GFM1: variants seen among roughly 807,000 people sequenced by gnomAD.
GFM1 encodes the protein elongation factor G, mitochondrial.
A neutral mutation model predicts 96.2 loss-of-function variants in GFM1; 62 were observed. That is an observed-to-expected ratio of 0.64 (90% CI 0.53 to 0.80). The LOEUF is 0.80. GFM1 is among the 30% of genes least tolerant of loss of function. The pLI is 0.00. For missense variants in GFM1, 852 were observed against 916.6 expected (o/e 0.93, Z 0.91); for synonymous variants, 282 against 312.9 (o/e 0.90, Z 1.04).
intron 15 of GFM1, among the ~76,000 whole-genome samples, chr3:158,686,721 GTTTTTTTT>G (rs67517331): frequency 2.3e-5 from 2 of 85,730 alleles, no homozygotes; most frequent in African/African-American, 4.8e-5. Flanking sequence ...TTGAATTGAG[GTTTTTTTT>G]TTTTTTTTTT....
At chr3:158,665,242 T>G in intron 11 of GFM1, 95 bp from the exon 12 acceptor site, 1 of 877,606 alleles carries the variant, frequency 1.1e-6, no homozygotes, top group Non-Finnish European at 1.9e-6. Flanking sequence ...TCTTAACTGC[T>G]GATGTATTTT....
intron 13 of GFM1, among the ~76,000 whole-genome samples, chr3:158,668,291 T>C (rs1723911567): frequency 6.6e-6 from 1 of 152,212 alleles, no homozygotes; most frequent in South Asian, 2.1e-4. Flanking sequence ...AAATACAATC[T>C]AAATGTTATA....
In GFM1 at chr3:158,691,800, T is replaced by G. The variant is rs1263962794; in HGVS notation, c.*333T>G. The G allele has an allele frequency of 1.6e-4, 35 of 213,278 alleles. No homozygotes were observed. The highest frequency in any genetic ancestry group is 6.7e-5 in the Non-Finnish European group (7 of 104,932). 13.2% of individuals were successfully genotyped at this position (213,278 alleles called of 1,614,324 possible). A position where few individuals can be genotyped will look rare whatever the true frequency, so the allele number is the denominator to read the frequency against. ...CTTTTAAGCTTAGAATGTATGTTCA[T>G]TTCCAAATTTTGTATCATAAGAGTT... On this transcript the variant is annotated 3_prime_UTR_variant, in exon 18 of 18. Coordinates refer to ENST00000486715, the MANE Select transcript of GFM1 (RefSeq NM_024996.7).
At chr3:158,682,235 C>T in intron 14 of GFM1, 78 bp downstream of exon 14, 6 of 1,207,170 alleles carry the variant, frequency 5.0e-6, no homozygotes, top group Non-Finnish European at 6.0e-6. Context: ...ACTTTGTCTT[C>T]CATCATGTTG....
chr3:158,695,494 G>T lies in GFM1; in HGVS notation c.*4027G>T, dbSNP rs538103420. The T allele has an allele frequency of 7.9e-5, 12 of 152,274 alleles. No homozygotes were observed. In the East Asian group the frequency reaches 2.1e-3, roughly 27 times the overall value. The allele number at this position is 152,274 out of a possible 1,614,324, so 9.4% of individuals were successfully genotyped here. ...GTAAATTAATAAATTAGGTAATTGT[G>T]TTTGTATATTATTTGTATGTATAGA... On this transcript the variant is annotated 3_prime_UTR_variant, in exon 18 of 18. Transcript: ENST00000486715.
At chr3:158,669,140 G>C in intron 13 of GFM1, 1 of 1,610,580 alleles carries the variant, frequency 6.2e-7, no homozygotes, top group South Asian at 1.1e-5. Context: ...TGTCTGGTAG[G>C]AGACACATTT....
intron 13 of GFM1, among the ~76,000 whole-genome samples, chr3:158,680,437 T>G (rs1193808953): frequency 1.3e-5 from 2 of 152,226 alleles, no homozygotes; most frequent in Non-Finnish European, 2.9e-5. Flanking sequence ...TCTTAGTTCT[T>G]CTACCTGTTC....
intron 13 of GFM1, among the ~76,000 whole-genome samples, chr3:158,679,531 T>G (rs1725189572): frequency 6.6e-6 from 1 of 152,236 alleles, no homozygotes; most frequent in Admixed American, 6.5e-5. Flanking sequence ...TTCTCATCTT[T>G]TCTAGTTATA....
chr3:158,671,722 A>C (rs1724334490), intron 13 of GFM1, among the ~76,000 whole-genome samples: 1 of 152,222 alleles, frequency 6.6e-6, no homozygotes. Context: ...AAATGAAAAC[A>C]AACCTCGTTA....
Position 158,694,768 on chromosome 3 carries a change from G to A in GFM1, c.*3301G>A, listed in dbSNP as rs1389198618. ...TTCCAACTGACTTTCAAAAGAACTT[G>A]TTCAACTTCTAAAAATTCGTAATTC... On this transcript the variant is annotated 3_prime_UTR_variant, in exon 18 of 18. Coordinates refer to ENST00000486715, the MANE Select transcript of GFM1 (RefSeq NM_024996.7). Among the ~76,000 whole-genome samples, 1 of 151,998 alleles carries A rather than the reference G, an allele frequency of 6.6e-6. No individual in the cohort carries two copies. The highest frequency in any genetic ancestry group is 1.5e-5 in the Non-Finnish European group (1 of 68,008).
chr3:158,653,379 A>G lies in GFM1; in HGVS notation c.910A>G (p.Lys304Glu), dbSNP rs760266828. The change falls in exon 7 of 18, where the codon AAA (lysine) becomes GAA (glutamate). Residue 304 changes from lysine (K) to glutamate (E), a missense_variant. Physicochemically the swap from Lys to Glu is moderately conservative, Grantham distance 56. Coordinates refer to ENST00000486715, the MANE Select transcript of GFM1 (RefSeq NM_024996.7). ...PVFLGSALKN[K>E]GVQPLLDAVL... ...ATTTTTGGGAAGCGCCTTGAAGAAC[A>G]AAGGAGTTCAGCCTCTTTTAGATGC... 31 of 1,613,194 alleles carry G rather than the reference A, an allele frequency of 1.9e-5. No individual in the cohort carries two copies. The highest frequency in any genetic ancestry group is 2.5e-5 in the Non-Finnish European group (30 of 1,179,278).
At position 158,658,960 on chromosome 3, in the gene GFM1, T is replaced by C. The variant is rs766573127; in HGVS notation, c.1122T>C (p.Tyr374=). The C allele has an allele frequency of 1.9e-6, 3 of 1,614,044 alleles. No individual in the cohort carries two copies. The highest frequency in any genetic ancestry group is 1.1e-5 in the South Asian group (1 of 91,088). The change falls in exon 9 of 18, where the codon TAT becomes TAC. Residue 374 remains tyrosine (Y), a synonymous_variant. Coordinates refer to ENST00000486715, the MANE Select transcript of GFM1 (RefSeq NM_024996.7). The stretch of plus-strand genomic sequence containing the variant: ...GACAATTAACTTATGTTCGCAGTTA[T>C]CAGGGAGAGCTAAAGAAGGGTGACA... The part of the protein sequence containing the change: ...RFGQLTYVRS[Y]QGELKKGDTI...
chr3:158,670,256 T>G (rs557085710), intron 13 of GFM1, among the ~76,000 whole-genome samples: 1 of 152,318 alleles, frequency 6.6e-6, no homozygotes, highest in Non-Finnish European at 1.5e-5. Context: ...CCCTTCCCCA[T>G]TACTGAAAGA....
At chr3:158,669,254 G>T in intron 13 of GFM1, 1 of 1,231,260 alleles carries the variant, frequency 8.1e-7, no homozygotes, top group Non-Finnish European at 1.1e-6. Context: ...ATTTAATTAA[G>T]CTATGGATCT....
chr3:158,654,536 T>C lies in GFM1; in HGVS notation c.999-11T>C. The C allele has an allele frequency of 6.8e-7, 1 of 1,478,848 alleles. No homozygotes were observed. The highest frequency in any genetic ancestry group is 9.5e-7 in the Non-Finnish European group (1 of 1,057,328). The allele number at this position is 1,478,848 out of a possible 1,614,324, so 91.6% of individuals were successfully genotyped here. A position where few individuals can be genotyped will look rare whatever the true frequency, so the allele number is the denominator to read the frequency against. On this transcript the variant is annotated splice_polypyrimidine_tract_variant and intron_variant, in intron 7 of 17. Coordinates refer to ENST00000486715, the MANE Select transcript of GFM1 (RefSeq NM_024996.7). The stretch of plus-strand genomic sequence containing the variant: ...TTACATCTCATAGATTTATATTTCT[T>C]TTATTTTAAGTGACTCAAAAGAGAA...
intron 13 of GFM1, among the ~76,000 whole-genome samples, chr3:158,668,399 T>C (rs1723926925): frequency 6.6e-6 from 1 of 152,212 alleles, no homozygotes; most frequent in Admixed American, 6.5e-5. Flanking sequence ...CCAAATATTT[T>C]TGATTCTCGG....
intron 13 of GFM1, chr3:158,669,073 AG>A (rs749557537): frequency 6.2e-7 from 1 of 1,613,692 alleles, no homozygotes; most frequent in African/African-American, 1.3e-5. Context: ...ATATAACCAC[AG>A]GCAACCCAGG....
intron 13 of GFM1, among the ~76,000 whole-genome samples, chr3:158,678,583 A>C (rs1032988922): frequency 6.6e-6 from 1 of 152,244 alleles, no homozygotes; most frequent in East Asian, 1.9e-4. Flanking sequence ...CTGAAGTCCT[A>C]CAATTTCATG....
At chr3:158,649,314 GC>G in intron 5 of GFM1, 157 bp downstream of exon 5, 1 of 528,608 alleles carries the variant, frequency 1.9e-6, no homozygotes, top group Non-Finnish European at 3.4e-6. Flanking sequence ...AATCCTAGTC[GC>G]TCCCCATTTT....
Sources: gnomAD v4.1 joint callset for allele counts (sites outside exome capture counted in the v4.1 genomes callset) on GRCh38, gnomAD v4.1.1 for gene constraint, MANE v1.5 for transcripts, NCBI Gene and HGNC (gene_info 2026-07-23, HGNC 2026-07-21) for gene names.